Variants in EIPR1 observed in about 807,000 individuals in gnomAD.
EIPR1 encodes EARP and GARP complex-interacting protein 1.
Under a neutral mutation model 48.1 loss-of-function variants are expected in EIPR1, and 25 were observed. The ratio of observed to expected loss-of-function variants is 0.52; its 90% CI spans 0.38 to 0.73. The LOEUF is 0.73. EIPR1 is among the 30% of genes least tolerant of loss of function. The pLI, the probability that EIPR1 is intolerant of heterozygous loss-of-function variation, is 0.00. For synonymous variants in EIPR1, 204 were observed against 201.9 expected (o/e 1.01, Z -0.09); for missense variants, 415 against 506.2 (o/e 0.82, Z 1.73).
intron 6 of EIPR1, among the ~76,000 whole-genome samples, chr2:3,194,687 G>T (rs1254634761): frequency 2.3e-5 from 1 of 42,910 alleles, no homozygotes; most frequent in African/African-American, 9.3e-5. Context: ...TATACAGAGA[G>T]AGAGAGAAAG....
At chr2:3,210,261 C>T (rs1323626908) in intron 5 of EIPR1, among the ~76,000 whole-genome samples, 1 of 152,130 alleles carries the variant, frequency 6.6e-6, no homozygotes, top group African/African-American at 2.4e-5. Flanking sequence ...TAGGAAAGAG[C>T]ATTGCCAGCC....
At chr2:3,348,382 G>A (rs537113641) in intron 2 of EIPR1, among the ~76,000 whole-genome samples, 1 of 152,162 alleles carries the variant, frequency 6.6e-6, no homozygotes, top group African/African-American at 2.4e-5. Context: ...ACATGAGAAA[G>A]AGGGGGGCAC....
At position 3,232,802 on chromosome 2, in the gene EIPR1, G is replaced by A. The variant is rs185613827; in HGVS notation, c.417-18554C>T. On this transcript the variant is annotated intron_variant, in intron 4 of 8. Coordinates refer to ENST00000382125, the MANE Select transcript of EIPR1 (RefSeq NM_003310.5). The stretch of plus-strand genomic sequence containing the variant: ...TTATCTACTCCGTCTCTGTTTCTGT[G>A]TGTGTCCCTGTCTGCACTGGCTTCT... 3.8e-3 allele frequency among the ~76,000 whole-genome samples: 585 copies of A among 152,310 alleles called. 2 individuals are homozygous for A. The highest frequency in any genetic ancestry group is 0.01 in the Middle Eastern group (3 of 294).
intron 3 of EIPR1, among the ~76,000 whole-genome samples, chr2:3,288,787 C>T (rs957071324): frequency 2.6e-5 from 4 of 152,200 alleles, no homozygotes; most frequent in Non-Finnish European, 5.9e-5. Context: ...AGGACAGACG[C>T]GCAGCACGCA....
At chr2:3,365,944 G>A (rs536480031) in intron 1 of EIPR1, among the ~76,000 whole-genome samples, 1 of 72,578 alleles carries the variant, frequency 1.4e-5, no homozygotes, top group African/African-American at 3.8e-5. Flanking sequence ...CCGGCCAGCC[G>A]CCCAGTCCGG....
chr2:3,255,272 T>C (rs1233617505), intron 4 of EIPR1, among the ~76,000 whole-genome samples: 1 of 151,524 alleles, frequency 6.6e-6, no homozygotes, highest in African/African-American at 2.4e-5. Context: ...AACCTCCGCC[T>C]CCCAGATTCA....
chr2:3,314,730 C>A (rs1205740360), intron 3 of EIPR1, among the ~76,000 whole-genome samples: 2 of 151,910 alleles, frequency 1.3e-5, no homozygotes, highest in African/African-American at 4.8e-5. Context: ...TCCGATGCCC[C>A]TCTGACTGCC....
At chr2:3,216,402 T>C (rs1378991127) in intron 4 of EIPR1, among the ~76,000 whole-genome samples, 1 of 152,078 alleles carries the variant, frequency 6.6e-6, no homozygotes, top group Non-Finnish European at 1.5e-5. Flanking sequence ...GACAGTGACT[T>C]CTCAGCATGG....
At chr2:3,316,518 C>T (rs1669306651) in intron 3 of EIPR1, among the ~76,000 whole-genome samples, 1 of 152,184 alleles carries the variant, frequency 6.6e-6, no homozygotes, top group African/African-American at 2.4e-5. Context: ...AGCCATTATA[C>T]CTGATGTTGC....
chr2:3,334,583 C>A (rs146806506), intron 3 of EIPR1, among the ~76,000 whole-genome samples: 2 of 152,226 alleles, frequency 1.3e-5, no homozygotes, highest in African/African-American at 4.8e-5. Flanking sequence ...TCAGATGAGA[C>A]GTGGCGCCGT....
intron 3 of EIPR1, among the ~76,000 whole-genome samples, chr2:3,294,040 C>T (rs1668452183): frequency 6.6e-6 from 1 of 152,130 alleles, no homozygotes; most frequent in African/African-American, 2.4e-5. Flanking sequence ...TGTTTTCATT[C>T]TTGAACTTTT....
At chr2:3,366,135 C>A (rs1030785497) in intron 1 of EIPR1, among the ~76,000 whole-genome samples, 2 of 152,168 alleles carry the variant, frequency 1.3e-5, no homozygotes, top group African/African-American at 2.4e-5. Flanking sequence ...TGGCAAAACC[C>A]TGTCTCTACG....
At chr2:3,257,477 A>G (rs374221851) in intron 3 of EIPR1, 22 bp from the exon 4 acceptor site, 2 of 1,613,104 alleles carry the variant, frequency 1.2e-6, no homozygotes, top group South Asian at 1.1e-5. Flanking sequence ...AGCATAATGG[A>G]TAATGTCAAC....
At chr2:3,209,647 C>T (rs759210260) in intron 5 of EIPR1, among the ~76,000 whole-genome samples, 4 of 152,278 alleles carry the variant, frequency 2.6e-5, no homozygotes, top group South Asian at 2.1e-4. Context: ...TGAACTTCAT[C>T]GACATGGAGA....
chr2:3,309,814 T>A (rs1013077746), intron 3 of EIPR1, among the ~76,000 whole-genome samples: 2 of 152,168 alleles, frequency 1.3e-5, no homozygotes, highest in African/African-American at 4.8e-5. Flanking sequence ...AACACCCCCC[T>A]TACTACCTGT....
chr2:3,342,302 C>T (rs1434693992), intron 2 of EIPR1, among the ~76,000 whole-genome samples: 1 of 152,206 alleles, frequency 6.6e-6, no homozygotes, highest in Non-Finnish European at 1.5e-5. Context: ...ACACAGACCA[C>T]AAGGTGATAT....
chr2:3,362,387 C>A (rs1335721042), intron 1 of EIPR1, among the ~76,000 whole-genome samples: 1 of 152,212 alleles, frequency 6.6e-6, no homozygotes, highest in Non-Finnish European at 1.5e-5. Flanking sequence ...TCTCCATCCC[C>A]ACCCTCCTCT....
intron 3 of EIPR1, among the ~76,000 whole-genome samples, chr2:3,328,587 CCCACCACG>C: frequency 6.7e-6 from 1 of 148,258 alleles, no homozygotes; most frequent in Non-Finnish European, 1.5e-5. Flanking sequence ...TCAGACTCTA[CCCACCACG>C]CTCTAATGAT....
chr2:3,372,969 C>G (rs1659737370), intron 1 of EIPR1, among the ~76,000 whole-genome samples: 2 of 151,904 alleles, frequency 1.3e-5, no homozygotes, highest in South Asian at 4.2e-4. Context: ...AACATTGATG[C>G]AAAAATCCTC....
Sources: allele counts gnomAD v4.1 joint callset (sites outside exome capture counted in the v4.1 genomes callset), GRCh38; gene constraint gnomAD v4.1.1; transcripts MANE v1.5; gene names NCBI Gene and HGNC (gene_info 2026-07-23, HGNC 2026-07-21).